Variants in SMYD3 observed in about 807,000 individuals in gnomAD.
SMYD3 encodes histone-lysine N-methyltransferase SMYD3.
A neutral mutation model predicts 57.7 loss-of-function variants in SMYD3; 36 were observed. The ratio of observed to expected loss-of-function variants is 0.62; its 90% CI spans 0.48 to 0.82. SMYD3 has a LOEUF of 0.82. Among genes scored for constraint, SMYD3 ranks in the 40% least tolerant of loss-of-function variants. The pLI is 0.00. For missense variants in SMYD3, 515 were observed against 538.8 expected (o/e 0.96, Z 0.44); for synonymous variants, 211 against 195.0 (o/e 1.08, Z -0.68).
At chr1:245,782,479 C>T (rs965481633) in intron 10 of SMYD3, among the ~76,000 whole-genome samples, 21 of 152,240 alleles carry the variant, frequency 1.4e-4, no homozygotes, top group Non-Finnish European at 3.1e-4. Context: ...AATTCAAACA[C>T]CTGACGGCAT....
chr1:246,299,435 G>C (rs146737205), intron 5 of SMYD3, among the ~76,000 whole-genome samples: 3 of 152,012 alleles, frequency 2.0e-5, no homozygotes, highest in Non-Finnish European at 2.9e-5. Flanking sequence ...ACAGTGTGGC[G>C]ATTCATCAAA....
intron 5 of SMYD3, among the ~76,000 whole-genome samples, chr1:246,150,496 T>C (rs1313125659): frequency 1.3e-5 from 2 of 152,240 alleles, no homozygotes; most frequent in Non-Finnish European, 2.9e-5. Flanking sequence ...ATTACAAAGG[T>C]ATGCTGAAGC....
intron 5 of SMYD3, among the ~76,000 whole-genome samples, chr1:245,984,355 A>G (rs1267138850): frequency 1.3e-5 from 2 of 152,192 alleles, no homozygotes; most frequent in Non-Finnish European, 2.9e-5. Context: ...TCAAAAAGAA[A>G]AAGTATGTCA....
intron 8 of SMYD3, among the ~76,000 whole-genome samples, chr1:245,875,082 C>T (rs774773380): frequency 2.0e-5 from 3 of 152,236 alleles, no homozygotes; most frequent in Admixed American, 6.5e-5. Context: ...CTTCCTGGCA[C>T]GCCAACAGAA....
chr1:246,391,789 C>T lies in SMYD3; in HGVS notation c.165-36695G>A, dbSNP rs565395676. Among the ~76,000 whole-genome samples, 10 of 152,250 alleles carry T rather than the reference C, an allele frequency of 6.6e-5. No individual in the cohort carries two copies. In the East Asian group the frequency reaches 1.9e-3, roughly 29 times the overall value. On this transcript the variant is annotated intron_variant, in intron 1 of 11. Coordinates refer to ENST00000490107, the MANE Select transcript of SMYD3 (RefSeq NM_001167740.2). The stretch of plus-strand genomic sequence containing the variant: ...TAAAGATCCAGAAGCAAGAGAGGTG[C>T]TTTCCTATTTGGTACTCCCGTCTCC...
intron 1 of SMYD3, among the ~76,000 whole-genome samples, chr1:246,408,663 C>CTTTTTTTTTTTTTTTTTTTTTTTTT (rs5782392): frequency 1.5e-5 from 1 of 65,520 alleles, no homozygotes; most frequent in Non-Finnish European, 2.8e-5. Flanking sequence ...AGAAGCAAGT[C>CTTTTTTTTTTTTTTTTTTTTTTTTT]TTTTTTTTTT....
intron 10 of SMYD3, among the ~76,000 whole-genome samples, chr1:245,829,060 T>C (rs1370804776): frequency 1.6e-5 from 2 of 125,500 alleles, no homozygotes; most frequent in Non-Finnish European, 3.5e-5. Context: ...CTCTTCACCT[T>C]CTTAGCCTGG....
At chr1:246,265,890 T>A (rs78951082) in intron 5 of SMYD3, among the ~76,000 whole-genome samples, 1 of 152,200 alleles carries the variant, frequency 6.6e-6, no homozygotes, top group Non-Finnish European at 1.5e-5. Flanking sequence ...AATGAGAAGA[T>A]GGATTTTCTC....
chr1:245,751,578 AAGAG>A (rs370696961), intron 11 of SMYD3, among the ~76,000 whole-genome samples: 3 of 113,576 alleles, frequency 2.6e-5, no homozygotes, highest in Non-Finnish European at 5.6e-5. Context: ...GAGAAAGAGA[AAGAG>A]AGAGAGAGAG....
chr1:246,132,800 C>T (rs924212243), intron 5 of SMYD3, among the ~76,000 whole-genome samples: 4 of 151,814 alleles, frequency 2.6e-5, no homozygotes, highest in Non-Finnish European at 4.4e-5. Flanking sequence ...AAGGAAAAAC[C>T]CAATTTTTAA....
At chr1:246,242,818 A>G (rs2063637332) in intron 5 of SMYD3, among the ~76,000 whole-genome samples, 2 of 152,168 alleles carry the variant, frequency 1.3e-5, no homozygotes, top group African/African-American at 4.8e-5. Context: ...CTGATAAAAC[A>G]GACTTTAAAG....
At chr1:245,964,473 C>T (rs1212092773) in intron 5 of SMYD3, among the ~76,000 whole-genome samples, 1 of 152,092 alleles carries the variant, frequency 6.6e-6, no homozygotes, top group African/African-American at 2.4e-5. Flanking sequence ...AGGCAAAAAA[C>T]ACAGTGTGAA....
chr1:246,104,341 T>C (rs2061077055), intron 5 of SMYD3, among the ~76,000 whole-genome samples: 1 of 152,226 alleles, frequency 6.6e-6, no homozygotes, highest in Non-Finnish European at 1.5e-5. Flanking sequence ...CTGTGAAACA[T>C]CCCTGGTATA....
chr1:246,423,105 T>C (rs1232621533), intron 1 of SMYD3, among the ~76,000 whole-genome samples: 1 of 152,096 alleles, frequency 6.6e-6, no homozygotes, highest in Non-Finnish European at 1.5e-5. Flanking sequence ...GAGACCAGTC[T>C]GACCAACATG....
At chr1:245,870,404 A>C (rs2052118572) in intron 8 of SMYD3, among the ~76,000 whole-genome samples, 1 of 152,106 alleles carries the variant, frequency 6.6e-6, no homozygotes, top group Non-Finnish European at 1.5e-5. Context: ...CAATCGCGTC[A>C]AGGGTTATTT....
intron 10 of SMYD3, among the ~76,000 whole-genome samples, chr1:245,843,952 G>C (rs1234430957): frequency 6.6e-6 from 1 of 152,202 alleles, no homozygotes; most frequent in African/African-American, 2.4e-5. Context: ...TTGTCAACTA[G>C]TTGTTATGTA....
Position 246,207,941 on chromosome 1 carries a change from G to T in SMYD3, c.531+119260C>A, listed in dbSNP as rs1010086246. 2.6e-5 allele frequency among the ~76,000 whole-genome samples: 4 copies of T among 152,062 alleles called. No individual in the cohort carries two copies. The East Asian group carries it at 5.8e-4, about 22-fold the overall frequency. On this transcript the variant is annotated intron_variant, in intron 5 of 11. Transcript: ENST00000490107. ...GGGGGTTATTCTTTTGCATTAATTGGTCTAGTTAACCAAGATGTGCAAACT... is the reference window on the plus strand; with the variant it reads ...GGGGGTTATTCTTTTGCATTAATTGTTCTAGTTAACCAAGATGTGCAAACT...
At chr1:246,315,374 T>C (rs1027953141) in intron 5 of SMYD3, among the ~76,000 whole-genome samples, 1 of 152,202 alleles carries the variant, frequency 6.6e-6, no homozygotes, top group Non-Finnish European at 1.5e-5. Flanking sequence ...CCTAACCAAG[T>C]AGATTTCACC....
chr1:246,260,423 TTTGTTGTTG>T (rs537178840), intron 5 of SMYD3, among the ~76,000 whole-genome samples: 1 of 148,696 alleles, frequency 6.7e-6, no homozygotes, highest in Admixed American at 6.6e-5. Context: ...CCATTTTCCT[TTTGTTGTTG>T]TTGTTGTTGT....
Sources: gnomAD v4.1 joint callset for allele counts (sites outside exome capture counted in the v4.1 genomes callset) on GRCh38, gnomAD v4.1.1 for gene constraint, MANE v1.5 for transcripts, NCBI Gene and HGNC (gene_info 2026-07-23, HGNC 2026-07-21) for gene names.